SLC24A3: variants seen among roughly 807,000 people sequenced by gnomAD.
SLC24A3 encodes the protein sodium/potassium/calcium exchanger 3.
In SLC24A3, 28 loss-of-function variants were observed where a neutral mutation model predicts 75.8. That is an observed-to-expected ratio of 0.37 (90% CI 0.27 to 0.51). SLC24A3 has a LOEUF of 0.51. SLC24A3 is among the 20% of genes least tolerant of loss of function. SLC24A3 has a pLI of 0.94. For missense variants in SLC24A3, 663 were observed against 847.8 expected (o/e 0.78, Z 2.71); for synonymous variants, 372 against 334.1 (o/e 1.11, Z -1.24).
chr20:19,421,746 G>C (rs1279655851), intron 2 of SLC24A3, among the ~76,000 whole-genome samples: 1 of 152,240 alleles, frequency 6.6e-6, no homozygotes, highest in Non-Finnish European at 1.5e-5. Flanking sequence ...AGCAAAGCAA[G>C]AGAGTGTGCT....
intron 3 of SLC24A3, among the ~76,000 whole-genome samples, chr20:19,568,006 T>C (rs1430213097): frequency 6.6e-6 from 1 of 152,146 alleles, no homozygotes; most frequent in African/African-American, 2.4e-5. Flanking sequence ...AAAAATGATA[T>C]ATAAATAGCC....
At chr20:19,480,025 T>C (rs1172246019) in intron 2 of SLC24A3, among the ~76,000 whole-genome samples, 4 of 152,234 alleles carry the variant, frequency 2.6e-5, no homozygotes, top group African/African-American at 9.6e-5. Flanking sequence ...GCATATTTCA[T>C]ATAGTGGTTG....
chr20:19,593,362 G>A lies in SLC24A3; in HGVS notation c.612+7818G>A, dbSNP rs551500081. On this transcript the variant is annotated intron_variant, in intron 6 of 16. Coordinates refer to ENST00000328041, the MANE Select transcript of SLC24A3 (RefSeq NM_020689.4). ...CTGGGCATCCAGGCCCCTCTGCCCCGCAAGTAGCTGAACCTGAGTTGAAGG... is the reference window on the plus strand; with the variant it reads ...CTGGGCATCCAGGCCCCTCTGCCCCACAAGTAGCTGAACCTGAGTTGAAGG... Among the ~76,000 whole-genome samples the A allele has an allele frequency of 1.6e-4, 24 of 152,280 alleles. No homozygotes were observed. In the East Asian group the frequency reaches 4.1e-3, roughly 26 times the overall value.
chr20:19,543,868 A>C (rs529216529), intron 3 of SLC24A3, among the ~76,000 whole-genome samples: 1 of 152,354 alleles, frequency 6.6e-6, no homozygotes, highest in South Asian at 2.1e-4. Context: ...AATGAGGTTT[A>C]TCTTAACAGA....
At chr20:19,266,937 T>G (rs1053773841) in intron 1 of SLC24A3, among the ~76,000 whole-genome samples, 1 of 152,172 alleles carries the variant, frequency 6.6e-6, no homozygotes, top group Non-Finnish European at 1.5e-5. Flanking sequence ...TTTGTAAAAT[T>G]TTATATTTAA....
chr20:19,312,107 C>T (rs1421674620), intron 2 of SLC24A3, among the ~76,000 whole-genome samples: 1 of 152,162 alleles, frequency 6.6e-6, no homozygotes, highest in Non-Finnish European at 1.5e-5. Flanking sequence ...CAAAATGACA[C>T]TTGATTAGTT....
chr20:19,665,161 C>T lies in SLC24A3; in HGVS notation c.688-703C>T, dbSNP rs1261302727. On this transcript the variant is annotated intron_variant, in intron 7 of 16. Transcript: ENST00000328041. Reference sequence around the variant, plus strand: ...AAACCTCAGTGGGGTGCTAGTGTGCCTTTGACTGCTTCTGACCCCTAATAA... The same window carrying T: ...AAACCTCAGTGGGGTGCTAGTGTGCTTTTGACTGCTTCTGACCCCTAATAA... 2.0e-5 allele frequency among the ~76,000 whole-genome samples: 3 copies of T among 152,156 alleles called. No individual in the cohort carries two copies. In the East Asian group the frequency reaches 5.8e-4, roughly 29 times the overall value.
chr20:19,697,308 T>C (rs996513492), intron 14 of SLC24A3, among the ~76,000 whole-genome samples: 1 of 152,190 alleles, frequency 6.6e-6, no homozygotes, highest in Non-Finnish European at 1.5e-5. Context: ...TTCAAAGTAG[T>C]AGGAAATGTA....
chr20:19,240,555 C>G (rs1463019965), intron 1 of SLC24A3, among the ~76,000 whole-genome samples: 1 of 152,140 alleles, frequency 6.6e-6, no homozygotes, highest in Non-Finnish European at 1.5e-5. Context: ...TAACTCATCT[C>G]TCTTGTGAAG....
At chr20:19,573,170 A>G (rs2031080368) in intron 3 of SLC24A3, among the ~76,000 whole-genome samples, 1 of 152,222 alleles carries the variant, frequency 6.6e-6, no homozygotes, top group Non-Finnish European at 1.5e-5. Context: ...ATGCAACATA[A>G]AACAGCAGGG....
intron 2 of SLC24A3, among the ~76,000 whole-genome samples, chr20:19,376,081 G>A (rs886814109): frequency 2.6e-5 from 4 of 152,140 alleles, no homozygotes; most frequent in African/African-American, 9.7e-5. Context: ...AGAAGTATAT[G>A]TGCAACTGTG....
At chr20:19,516,503 G>A (rs1450154634) in intron 3 of SLC24A3, among the ~76,000 whole-genome samples, 1 of 152,218 alleles carries the variant, frequency 6.6e-6, no homozygotes, top group Non-Finnish European at 1.5e-5. Flanking sequence ...GGAGCACAGT[G>A]GGAATGCTGC....
At chr20:19,706,352 C>T (rs756410286) in intron 15 of SLC24A3, among the ~76,000 whole-genome samples, 16 of 152,100 alleles carry the variant, frequency 1.1e-4, no homozygotes, top group Non-Finnish European at 1.9e-4. Flanking sequence ...CAAAACAAGA[C>T]GTGATGCCTG....
At chr20:19,355,888 G>A (rs1985672475) in intron 2 of SLC24A3, among the ~76,000 whole-genome samples, 1 of 152,174 alleles carries the variant, frequency 6.6e-6, no homozygotes, top group African/African-American at 2.4e-5. Context: ...AACACTGTGT[G>A]GTGTGCTGCC....
intron 2 of SLC24A3, among the ~76,000 whole-genome samples, chr20:19,376,089 G>A (rs997643868): frequency 1.4e-4 from 21 of 152,216 alleles, no homozygotes; most frequent in African/African-American, 5.1e-4. Flanking sequence ...ATGTGCAACT[G>A]TGTGAGTGTG....
intron 3 of SLC24A3, among the ~76,000 whole-genome samples, chr20:19,551,393 G>A (rs1455520057): frequency 1.3e-5 from 2 of 152,150 alleles, no homozygotes; most frequent in Non-Finnish European, 2.9e-5. Context: ...AAGAAATCAA[G>A]AAATGGAGAA....
chr20:19,636,214 C>A (rs142077201), intron 6 of SLC24A3, among the ~76,000 whole-genome samples: 1 of 152,162 alleles, frequency 6.6e-6, no homozygotes, highest in Non-Finnish European at 1.5e-5. Context: ...GATGTAACAC[C>A]ATTTCTGTCA....
At chr20:19,491,951 C>T (rs1412434093) in intron 2 of SLC24A3, among the ~76,000 whole-genome samples, 1 of 146,936 alleles carries the variant, frequency 6.8e-6, no homozygotes, top group African/African-American at 2.6e-5. Flanking sequence ...TCATTATTGC[C>T]CATGCTCTTC....
intron 1 of SLC24A3, among the ~76,000 whole-genome samples, chr20:19,273,000 T>C (rs2122213014): frequency 6.6e-6 from 1 of 152,128 alleles, no homozygotes; most frequent in South Asian, 2.1e-4. Flanking sequence ...AGTGGGAGAA[T>C]ATGTGGGCTT....
Sources: allele counts gnomAD v4.1 joint callset (sites outside exome capture counted in the v4.1 genomes callset), GRCh38; gene constraint gnomAD v4.1.1; transcripts MANE v1.5; gene names NCBI Gene and HGNC (gene_info 2026-07-23, HGNC 2026-07-21).